Variants in SNX29 observed in about 807,000 individuals in gnomAD.
SNX29 encodes the protein sorting nexin 29.
SNX29 carries 78 observed loss-of-function variants against 102.1 expected under a neutral mutation model. The ratio of observed to expected loss-of-function variants is 0.76; its 90% CI spans 0.64 to 0.92. The LOEUF is 0.92. Ranked by LOEUF, SNX29 falls within the 40% of genes least tolerant of loss-of-function variation. The pLI, the probability that SNX29 is intolerant of heterozygous loss-of-function variation, is 0.00. For missense variants in SNX29, 1,280 were observed against 1,061.7 expected, an observed-to-expected ratio of 1.21 and a Z score of -2.86; for synonymous variants, 580 against 414.5, an observed-to-expected ratio of 1.40 and a Z score of -4.85.
intron 20 of SNX29, among the ~76,000 whole-genome samples, chr16:12,555,167 T>G (rs73510247): frequency 4.0e-5 from 6 of 151,580 alleles, no homozygotes; most frequent in East Asian, 2.0e-4. Context: ...GGGTCTGGCA[T>G]CAGTGGGGTT....
At chr16:12,454,116 G>C (rs796910955) in intron 18 of SNX29, among the ~76,000 whole-genome samples, 58 of 152,314 alleles carry the variant, frequency 3.8e-4, no homozygotes, top group African/African-American at 1.3e-3. Context: ...TGGCTTCCCA[G>C]AAAGGCTGCT....
intron 16 of SNX29, among the ~76,000 whole-genome samples, chr16:12,383,527 C>T (rs1427646788): frequency 6.6e-6 from 1 of 151,970 alleles, no homozygotes; most frequent in Non-Finnish European, 1.5e-5. Flanking sequence ...ACCTCTGCCT[C>T]CTGGGTTCAA....
chr16:12,034,231 A>C (rs2057414736), intron 4 of SNX29, among the ~76,000 whole-genome samples: 1 of 152,250 alleles, frequency 6.6e-6, no homozygotes, highest in East Asian at 1.9e-4. Flanking sequence ...ATTTTGGAGG[A>C]AGCTGCATGT....
At chr16:12,132,530 G>A (rs762571715) in intron 13 of SNX29, among the ~76,000 whole-genome samples, 10 of 152,224 alleles carry the variant, frequency 6.6e-5, no homozygotes, top group Non-Finnish European at 1.2e-4. Context: ...CTCAGGGATG[G>A]AGAGGATGAT....
chr16:12,059,197 A>C (rs1335016149), intron 8 of SNX29, among the ~76,000 whole-genome samples: 1 of 152,112 alleles, frequency 6.6e-6, no homozygotes, highest in East Asian at 1.9e-4. Flanking sequence ...GTCAAGAATT[A>C]TCTTAGAAAC....
chr16:12,162,447 AG>A (rs1482680248), intron 13 of SNX29, among the ~76,000 whole-genome samples: 2 of 152,204 alleles, frequency 1.3e-5, no homozygotes, highest in African/African-American at 2.4e-5. Context: ...TTGGCTTTGC[AG>A]GCCATATGGT....
intron 4 of SNX29, among the ~76,000 whole-genome samples, chr16:12,033,215 C>T (rs1211270418): frequency 1.3e-5 from 2 of 151,828 alleles, no homozygotes; most frequent in African/African-American, 4.8e-5. Context: ...ATGGGGAGAA[C>T]CAGAGAGTGA....
chr16:12,557,191 C>G (rs1343976156), intron 20 of SNX29: 1 of 152,262 alleles, frequency 6.6e-6, no homozygotes, highest in South Asian at 2.1e-4. Flanking sequence ...TATACTGACT[C>G]CAGGGCTCCA....
chr16:12,289,074 G>A (rs2079703822), intron 15 of SNX29, among the ~76,000 whole-genome samples: 2 of 152,328 alleles, frequency 1.3e-5, no homozygotes, highest in Admixed American at 6.5e-5. Flanking sequence ...CTAGAACGAT[G>A]GAAGAGATAA....
intron 15 of SNX29, among the ~76,000 whole-genome samples, chr16:12,288,967 C>T (rs1596773122): frequency 6.6e-6 from 1 of 152,212 alleles, no homozygotes; most frequent in Admixed American, 6.5e-5. Flanking sequence ...AAACAGGAAT[C>T]AGGCCTGCCT....
intron 13 of SNX29, chr16:12,135,712 G>A: frequency 1.1e-6 from 1 of 904,730 alleles, no homozygotes; most frequent in Admixed American, 2.6e-5. Context: ...ATGTATGTGA[G>A]CCAATAAATT....
intron 1 of SNX29, among the ~76,000 whole-genome samples, chr16:11,985,387 G>A (rs1162148892): frequency 6.6e-6 from 1 of 152,184 alleles, no homozygotes; most frequent in Non-Finnish European, 1.5e-5. Flanking sequence ...GGCAGAAGCT[G>A]ATGAAACTGA....
At chr16:12,194,391 G>T (rs759642560) in intron 13 of SNX29, among the ~76,000 whole-genome samples, 1 of 152,130 alleles carries the variant, frequency 6.6e-6, no homozygotes, top group Non-Finnish European at 1.5e-5. Context: ...CAGTTCTTGG[G>T]ATTTCCTTTG....
intron 18 of SNX29, among the ~76,000 whole-genome samples, chr16:12,459,566 C>T (rs969745034): frequency 2.0e-4 from 31 of 152,078 alleles, no homozygotes; most frequent in African/African-American, 6.5e-4. Context: ...CTGGACCATG[C>T]GGGATTATGC....
rs140647312 is a variant in SNX29 at position 12,127,245 on chromosome 16, C to T, written c.1466+549C>T. ...TTGCACTCCAGCCTGGGTGACAGAG[C>T]GAGCCTCTGTCTCAAAAAAAAAAAA... On this transcript the variant is annotated intron_variant, in intron 12 of 20. Transcript: ENST00000566228. 8.2e-3 allele frequency among the ~76,000 whole-genome samples: 1,204 copies of T among 147,066 alleles called. 16 individuals carry two copies. Among genetic ancestry groups the T allele is most frequent in the African/African-American group, 0.029 (1,143 of 39,866 alleles).
At chr16:12,244,991 A>C (rs1300772134) in intron 14 of SNX29, among the ~76,000 whole-genome samples, 3 of 152,220 alleles carry the variant, frequency 2.0e-5, no homozygotes, top group Non-Finnish European at 2.9e-5. Context: ...GTCAGGTAGG[A>C]GCCACCTAAG....
chr16:11,990,729 C>A (rs1015107955), intron 1 of SNX29, among the ~76,000 whole-genome samples: 1 of 152,064 alleles, frequency 6.6e-6, no homozygotes. Context: ...GTATGTGGGG[C>A]CTTGGTTAGA....
intron 13 of SNX29, among the ~76,000 whole-genome samples, chr16:12,184,112 TTC>T (rs1473560786): frequency 6.6e-6 from 1 of 152,234 alleles, no homozygotes; most frequent in Non-Finnish European, 1.5e-5. Flanking sequence ...CCTAATTTCT[TTC>T]TTGCGTGAGA....
chr16:12,254,572 C>G (rs556278524), intron 14 of SNX29, among the ~76,000 whole-genome samples: 1 of 151,748 alleles, frequency 6.6e-6, no homozygotes, highest in East Asian at 1.9e-4. Context: ...ACCCGGGAGG[C>G]AGAGGTTGCA....
Sources: gnomAD v4.1 joint callset for allele counts (sites outside exome capture counted in the v4.1 genomes callset) on GRCh38, gnomAD v4.1.1 for gene constraint, MANE v1.5 for transcripts, NCBI Gene and HGNC (gene_info 2026-07-23, HGNC 2026-07-21) for gene names.